Variants in RPS6KL1 observed in about 807,000 individuals in gnomAD.
RPS6KL1 encodes ribosomal protein S6 kinase like 1.
RPS6KL1 carries 41 observed loss-of-function variants against 57.0 expected under a neutral mutation model. The observed-to-expected ratio is 0.72, with a 90% confidence interval of 0.56 to 0.93. RPS6KL1 has a LOEUF of 0.93. Among genes scored for constraint, RPS6KL1 ranks in the 40% least tolerant of loss-of-function variants. The pLI, the probability that RPS6KL1 is intolerant of heterozygous loss-of-function variation, is 0.00. For missense variants in RPS6KL1, 697 were observed against 727.7 expected, an observed-to-expected ratio of 0.96 and a Z score of 0.49; for synonymous variants, 287 against 309.7, an observed-to-expected ratio of 0.93 and a Z score of 0.77.
At chr14:74,915,107 A>G (rs539105265) in intron 5 of RPS6KL1, among the ~76,000 whole-genome samples, 13 of 152,352 alleles carry the variant, frequency 8.5e-5, no homozygotes, top group African/African-American at 3.1e-4. Flanking sequence ...TGGCAGGATT[A>G]TATGTCTGCA....
intron 5 of RPS6KL1, among the ~76,000 whole-genome samples, chr14:74,913,373 A>G (rs1434002665): frequency 6.6e-6 from 1 of 152,186 alleles, no homozygotes; most frequent in Non-Finnish European, 1.5e-5. Flanking sequence ...CCTGGCCAAC[A>G]TGGTGAAACC....
Position 74,919,891 on chromosome 14 carries a change from T to C in RPS6KL1, c.344A>G (p.Asn115Ser), listed in dbSNP as rs752064738. 1 of 1,613,856 alleles carries C rather than the reference T, an allele frequency of 6.2e-7. No homozygotes were observed. Among genetic ancestry groups the C allele is most frequent in the Admixed American group, 1.7e-5 (1 of 60,006 alleles). ...GCTCAGCGGCCGCTGCAGGTGGCAG[T>C]TGAAGATCTCCTCTGCCCGCCGCAG... ...KYLRRAEEIF[N>S]CHLQRPLSSG... Residue 115 changes from asparagine to serine, a missense_variant, in exon 4 of 12, where the codon AAC becomes AGC. Transcript: ENST00000557413.
At chr14:74,914,136 C>A (rs1474040733) in intron 5 of RPS6KL1, among the ~76,000 whole-genome samples, 2 of 152,238 alleles carry the variant, frequency 1.3e-5, no homozygotes, top group African/African-American at 2.4e-5. Context: ...GCGCCCAGGA[C>A]CCTTTTCTCA....
intron 3 of RPS6KL1, 147 bp from the exon 4 acceptor site, chr14:74,920,116 T>A (rs1887581434): frequency 4.8e-6 from 5 of 1,037,066 alleles, no homozygotes; most frequent in Non-Finnish European, 7.1e-6. Context: ...GATTGCTTCA[T>A]GAGCCCCTCC....
At chr14:74,910,226 T>C in intron 7 of RPS6KL1, 78 bp from the exon 8 acceptor site, 2 of 1,462,904 alleles carry the variant, frequency 1.4e-6, no homozygotes, top group Non-Finnish European at 9.0e-7. Context: ...CTCCCACTCC[T>C]GCCTCCCTTC....
chr14:74,905,439 A>G lies in RPS6KL1; in HGVS notation c.*1575T>C, dbSNP rs1285240121. On this transcript the variant is annotated 3_prime_UTR_variant, in exon 12 of 12. Transcript: ENST00000557413. ...CATGAGCCTCTTCCAAGGCTTCTTC[A>G]TCCTCTTCCCCACAGAACCTGGTCC... The G allele has an allele frequency of 6.6e-6, 1 of 152,120 alleles. No homozygotes were observed. The highest frequency in any genetic ancestry group is 2.1e-4 in the South Asian group (1 of 4,822). 9.4% of individuals were successfully genotyped at this position (152,120 alleles called of 1,614,324 possible). A position where few individuals can be genotyped will look rare whatever the true frequency, so the allele number is the denominator to read the frequency against.
At position 74,908,752 on chromosome 14, in the gene RPS6KL1, C is replaced by T. The variant is rs954077967; in HGVS notation, c.1443+98G>A. On this transcript the variant is annotated intron_variant, in intron 10 of 11. Transcript: ENST00000557413. Reference sequence around the variant, plus strand: ...GGGGCAGTTGTGCTGGTAGGACAGCCAGGCAGTCTCTGCCCAGACTGGCTG... The same window carrying T: ...GGGGCAGTTGTGCTGGTAGGACAGCTAGGCAGTCTCTGCCCAGACTGGCTG... 2.8e-6 allele frequency: 3 copies of T among 1,071,664 alleles called. No homozygotes were observed. The African/African-American group carries it at 4.6e-5, about 17-fold the overall frequency. The allele number at this position is 1,071,664 out of a possible 1,614,324, so 66.4% of individuals were successfully genotyped here. A position where few individuals can be genotyped will look rare whatever the true frequency, so the allele number is the denominator to read the frequency against.
At position 74,911,847 on chromosome 14, in the gene RPS6KL1, A is replaced by G. The variant is rs1294860827; in HGVS notation, c.484-6T>C. On this transcript the variant is annotated splice_polypyrimidine_tract_variant and splice_region_variant and intron_variant, in intron 5 of 11. Coordinates refer to ENST00000557413, the MANE Select transcript of RPS6KL1 (RefSeq NM_031464.5). ...GGGTCCTGGACCAGCTGCACCTGCC[A>G]AAGTCCAAGAGGCACTGGTTAAGGC... is the stretch of plus-strand genomic sequence containing the variant. The G allele has an allele frequency of 5.8e-6, 9 of 1,552,366 alleles. No homozygotes were observed. The East Asian group carries it at 7.3e-5, about 13-fold the overall frequency.
At chr14:74,920,089 G>A (rs1234407349) in intron 3 of RPS6KL1, 120 bp from the exon 4 acceptor site, 22 of 1,304,030 alleles carry the variant, frequency 1.7e-5, no homozygotes, top group Admixed American at 3.9e-5. Flanking sequence ...AGGCTGGTTC[G>A]GCAGATTCTG....
rs1240888136 is a variant in RPS6KL1, at chr14:74,906,019, A to C, written c.*995T>G. ...GTAACCACTCACCCCAGCTTTTCAG[A>C]GACCAGAGGCAAGACATTTCTGGCT... On this transcript the variant is annotated 3_prime_UTR_variant, in exon 12 of 12. Coordinates refer to ENST00000557413, the MANE Select transcript of RPS6KL1 (RefSeq NM_031464.5). 2 of 158,786 alleles carry C rather than the reference A, an allele frequency of 1.3e-5. No individual in the cohort carries two copies. Among genetic ancestry groups the C allele is most frequent in the African/African-American group, 4.8e-5 (2 of 41,588 alleles). The allele number at this position is 158,786 out of a possible 1,614,324, so 9.8% of individuals were successfully genotyped here.
chr14:74,910,119 G>C lies in RPS6KL1; in HGVS notation c.694C>G (p.Gln232Glu). The C allele has an allele frequency of 2.1e-5, 33 of 1,566,234 alleles. No homozygotes were observed. Among genetic ancestry groups the C allele is most frequent in the Non-Finnish European group, 2.8e-5 (32 of 1,158,608 alleles). The change falls in exon 8 of 12, where the codon CAG (glutamine) becomes GAG (glutamate). Residue 232 changes from glutamine to glutamate, a missense_variant. Transcript: ENST00000557413. The part of the protein sequence containing the change: ...GGTLWSHLLS[Q>E]AHSRHSGLSS... ...AGCCCAGAATGTCGGGAGTGCGCCT[G>C]GGAGAGCAGGTGGGACCAGAGAGTG... is the stretch of plus-strand genomic sequence containing the variant.
chr14:74,911,579 G>A (rs150225364), intron 6 of RPS6KL1, 199 bp from the exon 7 acceptor site: 125 of 665,626 alleles, frequency 1.9e-4, no homozygotes, highest in Non-Finnish European at 2.6e-4. Context: ...GGCAGTGTGT[G>A]TGCATGTGTG....
At chr14:74,907,747 C>T (rs1885165521) in intron 10 of RPS6KL1, among the ~76,000 whole-genome samples, 1 of 152,194 alleles carries the variant, frequency 6.6e-6, no homozygotes, top group African/African-American at 2.4e-5. Flanking sequence ...GGGACTTGTG[C>T]TGAGTTCAGG....
At chr14:74,911,428 G>C (rs1885959186) in intron 6 of RPS6KL1, 48 bp from the exon 7 acceptor site, 6 of 1,580,620 alleles carry the variant, frequency 3.8e-6, no homozygotes, top group Non-Finnish European at 5.2e-6. Context: ...GCCAGAGACT[G>C]CTGCTGTTAG....
At chr14:74,907,354 T>G in intron 11 of RPS6KL1, 81 bp downstream of exon 11, 1 of 1,511,690 alleles carries the variant, frequency 6.6e-7, no homozygotes. Flanking sequence ...GAAGCACACG[T>G]GGTTCAGACA....
At position 74,910,117 on chromosome 14, in the gene RPS6KL1, C is replaced by G; in HGVS notation, c.696G>C (p.Gln232His). ...GGTLWSHLLS[Q>H]AHSRHSGLSS... ...TGAGCCCAGAATGTCGGGAGTGCGC[C>G]TGGGAGAGCAGGTGGGACCAGAGAG... Residue 232 changes from glutamine to histidine, a missense_variant, in exon 8 of 12, where the codon CAG (glutamine) becomes CAC (histidine). Coordinates refer to ENST00000557413, the MANE Select transcript of RPS6KL1 (RefSeq NM_031464.5). 1 of 1,568,670 alleles carries G rather than the reference C, an allele frequency of 6.4e-7. No homozygotes were observed.
chr14:74,913,148 G>T (rs1357136558), intron 5 of RPS6KL1, among the ~76,000 whole-genome samples: 5 of 152,252 alleles, frequency 3.3e-5, no homozygotes, highest in Non-Finnish European at 7.3e-5. Context: ...CAGGGTAGGG[G>T]AAGGGGCACT....
At chr14:74,911,562 AAG>A (rs1234284719) in intron 6 of RPS6KL1, 182 bp from the exon 7 acceptor site, 5 of 717,938 alleles carry the variant, frequency 7.0e-6, no homozygotes, top group Non-Finnish European at 1.2e-5. Context: ...CCTCTAGCCA[AAG>A]AGGGGGCAGT....
chr14:74,909,741 C>T lies in RPS6KL1; in HGVS notation c.1072G>A (p.Gly358Ser). ...CTCTGATCCATGCCTCGGCCACAGC[C>T]CCCTAGCACCGGGCCGGCCCCCTCA... Reference protein sequence around the residue: ...VPEGAGPVLGGCGRGMDQSCL... With the variant: ...VPEGAGPVLGSCGRGMDQSCL... Residue 358 changes from glycine to serine, a missense_variant, in exon 8 of 12, where the codon GGC becomes AGC. Physicochemically the swap from Gly to Ser is moderately conservative, Grantham distance 56 (BLOSUM62 0). Coordinates refer to ENST00000557413, the MANE Select transcript of RPS6KL1 (RefSeq NM_031464.5). 1 of 1,607,808 alleles carries T rather than the reference C, an allele frequency of 6.2e-7. No individual in the cohort carries two copies. The highest frequency in any genetic ancestry group is 8.5e-7 in the Non-Finnish European group (1 of 1,179,432).
Sources: gnomAD v4.1 joint callset for allele counts (sites outside exome capture counted in the v4.1 genomes callset) on GRCh38, gnomAD v4.1.1 for gene constraint, MANE v1.5 for transcripts, NCBI Gene and HGNC (gene_info 2026-07-23, HGNC 2026-07-21) for gene names.